The following SORCS2 variants were observed in gnomAD, a reference collection of about 807,000 sequenced individuals.
The protein encoded by SORCS2 is VPS10 domain-containing receptor SorCS2.
A neutral mutation model predicts 141.6 loss-of-function variants in SORCS2; 100 were observed. The ratio of observed to expected loss-of-function variants is 0.71; its 90% CI spans 0.60 to 0.83. The LOEUF is 0.83. Ranked by LOEUF, SORCS2 falls within the 40% of genes least tolerant of loss-of-function variation. The pLI, the probability that SORCS2 is intolerant of heterozygous loss-of-function variation, is 0.00. For missense variants in SORCS2, 1,646 were observed against 1,560.2 expected (o/e 1.05, Z -0.93); for synonymous variants, 789 against 676.9 (o/e 1.17, Z -2.57).
chr4:7,517,640 T>C (rs982477190), intron 2 of SORCS2, among the ~76,000 whole-genome samples: 2 of 152,184 alleles, frequency 1.3e-5, no homozygotes, highest in Admixed American at 1.3e-4. Context: ...GGCTCTCCTT[T>C]GAAAAATATT....
intron 3 of SORCS2, among the ~76,000 whole-genome samples, chr4:7,608,009 G>A (rs543059557): frequency 7.9e-5 from 12 of 152,254 alleles, no homozygotes; most frequent in South Asian, 2.1e-4. Flanking sequence ...GACAAATACC[G>A]TGTTTAGGAC....
intron 2 of SORCS2, among the ~76,000 whole-genome samples, chr4:7,410,308 A>G (rs1208191278): frequency 6.6e-6 from 1 of 152,226 alleles, no homozygotes; most frequent in Non-Finnish European, 1.5e-5. Flanking sequence ...CCCTTTGGTC[A>G]TCCAGAAAGA....
At chr4:7,513,003 C>T (rs1030345469) in intron 2 of SORCS2, among the ~76,000 whole-genome samples, 1 of 152,128 alleles carries the variant, frequency 6.6e-6, no homozygotes, top group Admixed American at 6.5e-5. Context: ...CATCATTGTT[C>T]CTGGAATACA....
chr4:7,731,300 G>T (rs562719425), intron 23 of SORCS2, among the ~76,000 whole-genome samples: 1 of 152,222 alleles, frequency 6.6e-6, no homozygotes, highest in Non-Finnish European at 1.5e-5. Flanking sequence ...TAAAACACCA[G>T]TACAAGAATT....
chr4:7,537,948 T>C (rs923469862), intron 3 of SORCS2, among the ~76,000 whole-genome samples: 9 of 152,122 alleles, frequency 5.9e-5, no homozygotes, highest in Non-Finnish European at 1.2e-4. Flanking sequence ...ATCCCACCAC[T>C]ACACTCCAGG....
chr4:7,373,478 A>ATATTTTTTTT (rs1470691140), intron 1 of SORCS2, among the ~76,000 whole-genome samples: 1 of 36,818 alleles, frequency 2.7e-5, no homozygotes, highest in Non-Finnish European at 4.1e-5. Context: ...ATATATATAT[A>ATATTTTTTTT]TTTTTTTTTT....
In SORCS2 at chr4:7,688,257, G is replaced by A. The variant is rs192966212; in HGVS notation, c.1489-1229G>A. Among the ~76,000 whole-genome samples, 8 of 152,232 alleles carry A rather than the reference G, an allele frequency of 5.3e-5. No homozygotes were observed. The South Asian group carries it at 1.5e-3, about 28-fold the overall frequency. On this transcript the variant is annotated intron_variant, in intron 10 of 26. Transcript: ENST00000507866. ...GATTCTGGAATGACCCCTGCAGAGC[G>A]GGTCAGCAGGCCTCACCGTCACTGT...
rs1238984357 is a variant in SORCS2, at chr4:7,740,607, C to T, written c.*343C>T. The T allele has an allele frequency of 2.7e-6, 1 of 369,728 alleles. No individual in the cohort carries two copies. The allele number at this position is 369,728 out of a possible 1,614,324, so 22.9% of individuals were successfully genotyped here. A position where few individuals can be genotyped will look rare whatever the true frequency, so the allele number is the denominator to read the frequency against. ...GGCTGAGGCTGGTCGTCCTGGAGCC[C>T]TCCCAGTACCTCGGGCTGCAAGAGC... On this transcript the variant is annotated 3_prime_UTR_variant, in exon 27 of 27. Transcript: ENST00000507866.
chr4:7,534,229 C>G (rs572194756), intron 3 of SORCS2, among the ~76,000 whole-genome samples: 1 of 152,302 alleles, frequency 6.6e-6, no homozygotes, highest in African/African-American at 2.4e-5. Flanking sequence ...ACACTGTAGC[C>G]GCATCAGGTT....
At chr4:7,373,472 ATATATATTTTTTTTTTTT>A (rs1353961551) in intron 1 of SORCS2, among the ~76,000 whole-genome samples, 25 of 57,698 alleles carry the variant, frequency 4.3e-4, no homozygotes, top group Non-Finnish European at 6.7e-4. Context: ...ATATATATAT[ATATATATTTTTTTTTTTT>A]TTTTTTTTTT....
In SORCS2 at chr4:7,543,404, C is replaced by T. The variant is rs531520111; in HGVS notation, c.648+11775C>T. ...ACATCCACCCACCCATCCATCCATC[C>T]ACCCATCCATCTATCCATCCATCCG... On this transcript the variant is annotated intron_variant, in intron 3 of 26. Transcript: ENST00000507866. Among the ~76,000 whole-genome samples, 11 of 83,352 alleles carry T rather than the reference C, an allele frequency of 1.3e-4. No homozygotes were observed. The South Asian group carries it at 5.9e-3, about 45-fold the overall frequency. The allele number at this position is 83,352 out of a possible 152,430, so 54.7% of individuals were successfully genotyped here. A position where few individuals can be genotyped will look rare whatever the true frequency, so the allele number is the denominator to read the frequency against.
At chr4:7,421,299 T>TAG (rs1726030228) in intron 2 of SORCS2, among the ~76,000 whole-genome samples, 1 of 152,166 alleles carries the variant, frequency 6.6e-6, no homozygotes, top group Admixed American at 6.5e-5. Flanking sequence ...CTCTCTGCTC[T>TAG]AGAGGGATTG....
chr4:7,725,404 C>G (rs748503450), intron 20 of SORCS2, 117 bp downstream of exon 20: 5 of 1,395,522 alleles, frequency 3.6e-6, no homozygotes, highest in Middle Eastern at 2.2e-4. Flanking sequence ...GGGTGCACTC[C>G]TCACCCTTGG....
At chr4:7,610,665 A>G (rs1577836884) in intron 3 of SORCS2, among the ~76,000 whole-genome samples, 1 of 152,118 alleles carries the variant, frequency 6.6e-6, no homozygotes, top group African/African-American at 2.4e-5. Context: ...CGGTTTTTCT[A>G]GGCAGCAAAT....
At chr4:7,570,212 G>C (rs559164202) in intron 3 of SORCS2, among the ~76,000 whole-genome samples, 4 of 152,178 alleles carry the variant, frequency 2.6e-5, no homozygotes, top group Non-Finnish European at 5.9e-5. Context: ...AACGCAGCCC[G>C]TCTGCTGTGG....
At position 7,638,252 on chromosome 4, in the gene SORCS2, A is replaced by AG. The variant is rs1454220867; in HGVS notation, c.649-74dup. On this transcript the variant is annotated intron_variant, in intron 3 of 26. Transcript: ENST00000507866. ...TGAGGGAGAGAGGCGCACCTGGCCC[A>AG]GGCCTCACAACACCTTTCTGGTGTC... 1.2e-5 allele frequency: 17 copies of AG among 1,459,470 alleles called. No individual in the cohort carries two copies. The African/African-American group carries it at 2.5e-4, about 22-fold the overall frequency. The allele number at this position is 1,459,470 out of a possible 1,614,324, so 90.4% of individuals were successfully genotyped here.
At chr4:7,417,077 C>A (rs73210498) in intron 2 of SORCS2, among the ~76,000 whole-genome samples, 5,739 of 152,202 alleles carry the variant, frequency 0.038, 129 homozygotes, top group East Asian at 0.077. Context: ...AGCCCCCCAC[C>A]CCGGGGTGGG....
At position 7,682,668 on chromosome 4, in the gene SORCS2, C is replaced by T. The variant is rs990863663; in HGVS notation, c.1342-75C>T. 4 of 1,452,360 alleles carry T rather than the reference C, an allele frequency of 2.8e-6. No individual in the cohort carries two copies. The African/African-American group carries it at 5.6e-5, about 20-fold the overall frequency. 90.0% of individuals were successfully genotyped at this position (1,452,360 alleles called of 1,614,324 possible). A position where few individuals can be genotyped will look rare whatever the true frequency, so the allele number is the denominator to read the frequency against. On this transcript the variant is annotated intron_variant, in intron 9 of 26. Coordinates refer to ENST00000507866, the MANE Select transcript of SORCS2 (RefSeq NM_020777.3). ...ATGTGCAGAGCACTTTAGCAAGGGG[C>T]TGGAGCATGGTGGATACTTGGTCAT...
chr4:7,645,729 C>T (rs1214528591), intron 4 of SORCS2, among the ~76,000 whole-genome samples: 1 of 152,180 alleles, frequency 6.6e-6, no homozygotes, highest in African/African-American at 2.4e-5. Flanking sequence ...AGCTTATGTT[C>T]TAGGGGATGA....
Sources: gnomAD v4.1 joint callset for allele counts (sites outside exome capture counted in the v4.1 genomes callset) on GRCh38, gnomAD v4.1.1 for gene constraint, MANE v1.5 for transcripts, NCBI Gene and HGNC (gene_info 2026-07-23, HGNC 2026-07-21) for gene names.